COL23A1: variants seen among roughly 807,000 people sequenced by gnomAD.
COL23A1 encodes collagen type XXIII alpha 1 chain.
Under a neutral mutation model 99.3 loss-of-function variants are expected in COL23A1, and 97 were observed. That is an observed-to-expected ratio of 0.98 (90% CI 0.83 to 1.16). The LOEUF (loss-of-function observed/expected upper bound fraction) is 1.16, where lower values mean the gene tolerates loss of function less well. Ranked by LOEUF, COL23A1 falls within the 50% of genes most tolerant of loss-of-function variation. COL23A1 has a pLI of 0.00. For synonymous variants in COL23A1, 320 were observed against 308.2 expected, an observed-to-expected ratio of 1.04 and a Z score of -0.40; for missense variants, 762 against 757.4, an observed-to-expected ratio of 1.01 and a Z score of -0.07.
At chr5:178,540,173 CAATT>C (rs1446621479) in intron 2 of COL23A1, among the ~76,000 whole-genome samples, 9 of 151,634 alleles carry the variant, frequency 5.9e-5, no homozygotes, top group African/African-American at 1.9e-4. Flanking sequence ...CTTAGACAAT[CAATT>C]AATCAAGTGA....
chr5:178,475,794 T>C (rs1756995720), intron 2 of COL23A1, among the ~76,000 whole-genome samples: 1 of 152,222 alleles, frequency 6.6e-6, no homozygotes, highest in Admixed American at 6.5e-5. Flanking sequence ...TCCTTGCAGT[T>C]GTTGGACATA....
chr5:178,429,713 C>T (rs909945515), intron 2 of COL23A1, among the ~76,000 whole-genome samples: 3 of 147,858 alleles, frequency 2.0e-5, no homozygotes, highest in African/African-American at 5.1e-5. Context: ...TCCACATTGA[C>T]GCCAGAGGGA....
Position 178,589,940 on chromosome 5 carries a change from G to C in COL23A1, c.258C>G (p.Ala86=). 1.5e-6 allele frequency: 2 copies of C among 1,329,400 alleles called. No individual in the cohort carries two copies. The highest frequency in any genetic ancestry group is 2.0e-5 in the South Asian group (1 of 49,550). The allele number at this position is 1,329,400 out of a possible 1,614,324, so 82.4% of individuals were successfully genotyped here. A position where few individuals can be genotyped will look rare whatever the true frequency, so the allele number is the denominator to read the frequency against. ...GGCGCTCCAGGTGCGGCTCGGCCCAGGCGTCCAGGGCGCCTGGCGGCCCCG... is the reference window on the plus strand; with the variant it reads ...GGCGCTCCAGGTGCGGCTCGGCCCACGCGTCCAGGGCGCCTGGCGGCCCCG... The part of the protein sequence containing the change: ...RRAGPPGALD[A]WAEPHLERLL... Residue 86 remains alanine, a synonymous_variant, in exon 1 of 29, where the codon GCC becomes GCG. Transcript: ENST00000390654. The surrounding 1 kb of genome is among the most constrained non-coding windows in gnomAD (Gnocchi z 5.4).
Position 178,238,567 on chromosome 5 carries a change from G to T in COL23A1, c.*131C>A. 2 of 1,233,428 alleles carry T rather than the reference G, an allele frequency of 1.6e-6. No homozygotes were observed. Among genetic ancestry groups the T allele is most frequent in the Non-Finnish European group, 2.3e-6 (2 of 853,874 alleles). The allele number at this position is 1,233,428 out of a possible 1,614,324, so 76.4% of individuals were successfully genotyped here. A position where few individuals can be genotyped will look rare whatever the true frequency, so the allele number is the denominator to read the frequency against. The stretch of plus-strand genomic sequence containing the variant: ...TGCCGGTGGCTTTGGGGCTGGGTGG[G>T]CATACTCTTGAATGTTAAAAGGCCA... On this transcript the variant is annotated 3_prime_UTR_variant, in exon 29 of 29. Coordinates refer to ENST00000390654, the MANE Select transcript of COL23A1 (RefSeq NM_173465.4).
intron 21 of COL23A1, 53 bp downstream of exon 21, chr5:178,247,722 C>T (rs542021165): frequency 2.9e-5 from 46 of 1,585,318 alleles, no homozygotes; most frequent in African/African-American, 8.1e-5. Flanking sequence ...GCCCCCACCC[C>T]GCCTCTTGGT....
intron 1 of COL23A1, among the ~76,000 whole-genome samples, chr5:178,566,854 G>T (rs1325981898): frequency 2.0e-5 from 3 of 152,006 alleles, no homozygotes; most frequent in Admixed American, 2.0e-4. Context: ...CTCTAAGGCT[G>T]AAGACAAAAG....
intron 2 of COL23A1, among the ~76,000 whole-genome samples, chr5:178,422,363 T>A (rs1418485135): frequency 6.6e-6 from 1 of 152,174 alleles, no homozygotes; most frequent in African/African-American, 2.4e-5. Context: ...GCTCTTCTGC[T>A]TAACGTTAGA....
intron 2 of COL23A1, among the ~76,000 whole-genome samples, chr5:178,400,546 C>G (rs146012959): frequency 6.6e-6 from 1 of 152,180 alleles, no homozygotes; most frequent in East Asian, 1.9e-4. Flanking sequence ...GTAAGATAGA[C>G]ATAACATAAA....
chr5:178,480,834 C>A (rs1757292760), intron 2 of COL23A1, among the ~76,000 whole-genome samples: 1 of 152,228 alleles, frequency 6.6e-6, no homozygotes, highest in Middle Eastern at 3.4e-3. Context: ...TATCCACAGA[C>A]ATTCTTAACA....
At chr5:178,258,913 CTT>C (rs35156759) in intron 12 of COL23A1, among the ~76,000 whole-genome samples, 16 of 117,538 alleles carry the variant, frequency 1.4e-4, no homozygotes, top group Non-Finnish European at 1.3e-4. Context: ...CCAGGGTGGT[CTT>C]TTTTTTTTTT....
At chr5:178,454,891 G>A (rs2546627) in intron 2 of COL23A1, among the ~76,000 whole-genome samples, 50,024 of 152,190 alleles carry the variant, frequency 0.33, 8,657 homozygotes, top group Middle Eastern at 0.4. Flanking sequence ...CTGGAAGCCG[G>A]AGTCAAGGTG....
At chr5:178,275,053 T>A (rs1459160205) in intron 5 of COL23A1, among the ~76,000 whole-genome samples, 1 of 152,108 alleles carries the variant, frequency 6.6e-6, no homozygotes, top group African/African-American at 2.4e-5. Context: ...CGGCCACCTG[T>A]CCTGGGACCC....
chr5:178,556,139 T>G (rs559584795), intron 2 of COL23A1, among the ~76,000 whole-genome samples: 1 of 151,856 alleles, frequency 6.6e-6, no homozygotes, highest in Non-Finnish European at 1.5e-5. Flanking sequence ...TACAGGACAT[T>G]CCAACAGCAT....
intron 2 of COL23A1, among the ~76,000 whole-genome samples, chr5:178,524,949 A>T (rs1760230546): frequency 1.3e-5 from 2 of 152,274 alleles, no homozygotes; most frequent in South Asian, 4.1e-4. Context: ...TAAACTGCGT[A>T]ACTCTTTATG....
chr5:178,560,778 C>T (rs563547973), intron 1 of COL23A1, 30 bp from the exon 2 acceptor site: 40 of 1,581,196 alleles, frequency 2.5e-5, no homozygotes, highest in Non-Finnish European at 3.1e-5. Flanking sequence ...AGAAAAAAAA[C>T]GAGGAGAGAA....
At chr5:178,252,706 AGG>A (rs1209612519) in intron 16 of COL23A1, 109 bp from the exon 17 acceptor site, 21 of 923,506 alleles carry the variant, frequency 2.3e-5, no homozygotes, top group Non-Finnish European at 3.3e-6. Context: ...TGAGCAGAGC[AGG>A]GGCAGGGTCC....
rs539727426 is a variant in COL23A1 at position 178,261,258 on chromosome 5, C to CA, written c.702+463dup. Among the ~76,000 whole-genome samples, 117 of 151,922 alleles carry CA rather than the reference C, an allele frequency of 7.7e-4. 1 individual carries two copies. The highest frequency in any genetic ancestry group is 2.8e-3 in the African/African-American group (114 of 41,420). On this transcript the variant is annotated intron_variant, in intron 11 of 28. Coordinates refer to ENST00000390654, the MANE Select transcript of COL23A1 (RefSeq NM_173465.4). Reference sequence around the variant, plus strand: ...TGAAACCCCATTTCTCCTAAAAATACAAAAAATTAGCTGGGCATGGTGGCA... The same window carrying CA: ...TGAAACCCCATTTCTCCTAAAAATACAAAAAAATTAGCTGGGCATGGTGGCA...
chr5:178,370,009 C>G (rs542888776), intron 2 of COL23A1, among the ~76,000 whole-genome samples: 2 of 152,178 alleles, frequency 1.3e-5, no homozygotes, highest in Admixed American at 1.3e-4. Flanking sequence ...CTGGAGGAAC[C>G]ACTGAGGGCA....
At chr5:178,296,973 C>A (rs1757781422) in intron 3 of COL23A1, among the ~76,000 whole-genome samples, 1 of 152,222 alleles carries the variant, frequency 6.6e-6, no homozygotes, top group Non-Finnish European at 1.5e-5. Context: ...AATGCCCAAC[C>A]CCTTTCCAGG....
Sources: gnomAD v4.1 joint callset for allele counts (sites outside exome capture counted in the v4.1 genomes callset) on GRCh38, gnomAD v4.1.1 for gene constraint, Gnocchi (gnomAD v3.1) non-coding constraint, MANE v1.5 for transcripts, NCBI Gene and HGNC (gene_info 2026-07-23, HGNC 2026-07-21) for gene names.